Variants in UNC5D observed in about 807,000 individuals in gnomAD.
UNC5D encodes unc-5 netrin receptor D, also known as netrin receptor UNC5D.
A neutral mutation model predicts 105.4 loss-of-function variants in UNC5D; 39 were observed. The ratio of observed to expected loss-of-function variants is 0.37; its 90% confidence interval spans 0.29 to 0.48. The LOEUF is 0.48. Among genes scored for constraint, UNC5D ranks in the 20% least tolerant of loss-of-function variants. The probability of loss-of-function intolerance (pLI) is 0.98; values close to 1 mark genes in which losing one functional copy is unlikely to be tolerated. For missense variants in UNC5D, 991 were observed against 1,202.4 expected, an observed-to-expected ratio of 0.82 and a Z score of 2.60; for synonymous variants, 452 against 450.4, an observed-to-expected ratio of 1.00 and a Z score of -0.04.
At chr8:35,615,008 A>C (rs1239383240) in intron 4 of UNC5D, among the ~76,000 whole-genome samples, 2 of 145,846 alleles carry the variant, frequency 1.4e-5, no homozygotes, top group Admixed American at 7.1e-5. Flanking sequence ...CCAGGAGTTC[A>C]AGACCAGCCT....
At chr8:35,357,346 C>T (rs1208119005) in intron 1 of UNC5D, among the ~76,000 whole-genome samples, 2 of 152,170 alleles carry the variant, frequency 1.3e-5, no homozygotes, top group African/African-American at 4.8e-5. Context: ...GATGTCACAA[C>T]AGTGTGAATT....
At chr8:35,452,431 T>C (rs1045876902) in intron 1 of UNC5D, among the ~76,000 whole-genome samples, 8 of 151,812 alleles carry the variant, frequency 5.3e-5, no homozygotes, top group Non-Finnish European at 1.2e-4. Context: ...TGCCCAGCTA[T>C]TTTTTTGTAT....
chr8:35,390,519 A>T (rs1309727988), intron 1 of UNC5D, among the ~76,000 whole-genome samples: 2 of 152,222 alleles, frequency 1.3e-5, no homozygotes, highest in Non-Finnish European at 2.9e-5. Context: ...GAAAACTTCC[A>T]GAAGAGAAGC....
chr8:35,488,962 G>T (rs1373168184), intron 1 of UNC5D, among the ~76,000 whole-genome samples: 1 of 151,970 alleles, frequency 6.6e-6, no homozygotes, highest in Non-Finnish European at 1.5e-5. Context: ...GAGTTTGGGG[G>T]CGGGCCGTAT....
Position 35,641,711 on chromosome 8 carries a change from C to T in UNC5D, c.571-41836C>T, listed in dbSNP as rs534969820. On this transcript the variant is annotated intron_variant, in intron 4 of 16. Coordinates refer to ENST00000404895, the MANE Select transcript of UNC5D (RefSeq NM_080872.4). Reference sequence around the variant, plus strand: ...AAATTCTTGGGCTGTGTTCACAGGACCTGTGCAAAAATACGGCTTTTTCAA... The same window carrying T: ...AAATTCTTGGGCTGTGTTCACAGGATCTGTGCAAAAATACGGCTTTTTCAA... 4.1e-4 allele frequency among the ~76,000 whole-genome samples: 62 copies of T among 152,068 alleles called. 1 individual carries two copies. In the South Asian group the frequency reaches 0.013, roughly 31 times the overall value.
chr8:35,640,902 CTCT>C (rs978809633), intron 4 of UNC5D, among the ~76,000 whole-genome samples: 17 of 151,952 alleles, frequency 1.1e-4, no homozygotes, highest in Admixed American at 3.9e-4. Flanking sequence ...ACTCTCTGTC[CTCT>C]TCTTCCTCTT....
intron 11 of UNC5D, among the ~76,000 whole-genome samples, chr8:35,745,289 G>A (rs917640339): frequency 6.6e-6 from 1 of 152,084 alleles, no homozygotes; most frequent in African/African-American, 2.4e-5. Context: ...CACAAGGTGG[G>A]GTAAATCATG....
chr8:35,673,374 C>A (rs1824958726), intron 4 of UNC5D, among the ~76,000 whole-genome samples: 1 of 152,028 alleles, frequency 6.6e-6, no homozygotes, highest in Non-Finnish European at 1.5e-5. Flanking sequence ...TGGTTCAGTC[C>A]CTTTGGAGAC....
intron 1 of UNC5D, among the ~76,000 whole-genome samples, chr8:35,301,366 A>C (rs1049116545): frequency 6.6e-5 from 10 of 152,232 alleles, no homozygotes; most frequent in African/African-American, 2.4e-4. Context: ...TATTGGTACA[A>C]ATGTTAAGAG....
chr8:35,678,009 C>T (rs1825385104), intron 4 of UNC5D, among the ~76,000 whole-genome samples: 1 of 151,636 alleles, frequency 6.6e-6, no homozygotes, highest in Non-Finnish European at 1.5e-5. Context: ...GATACACACA[C>T]CTAGGACACC....
chr8:35,711,524 C>T (rs1396755910), intron 8 of UNC5D, among the ~76,000 whole-genome samples: 1 of 152,114 alleles, frequency 6.6e-6, no homozygotes, highest in African/African-American at 2.4e-5. Flanking sequence ...CCTTCCTACC[C>T]TCTCACCATT....
intron 1 of UNC5D, among the ~76,000 whole-genome samples, chr8:35,518,701 T>A (rs1320072323): frequency 6.6e-6 from 1 of 152,182 alleles, no homozygotes; most frequent in African/African-American, 2.4e-5. Context: ...TATTAAAAGC[T>A]TTAGGAAGAA....
chr8:35,639,493 G>A (rs950520442), intron 4 of UNC5D, among the ~76,000 whole-genome samples: 14 of 152,098 alleles, frequency 9.2e-5, no homozygotes, highest in Non-Finnish European at 1.5e-4. Context: ...TTAATCAAAC[G>A]TAATATATTT....
chr8:35,261,133 T>A (rs1439125671), intron 1 of UNC5D, among the ~76,000 whole-genome samples: 1 of 152,172 alleles, frequency 6.6e-6, no homozygotes, highest in Non-Finnish European at 1.5e-5. Context: ...ATTGTGAAAC[T>A]ATGTGAGTTT....
At chr8:35,704,520 G>A (rs1311590758) in intron 7 of UNC5D, among the ~76,000 whole-genome samples, 2 of 152,190 alleles carry the variant, frequency 1.3e-5, no homozygotes, top group Non-Finnish European at 2.9e-5. Flanking sequence ...CACCTCACAT[G>A]GCTCACCTTC....
intron 1 of UNC5D, among the ~76,000 whole-genome samples, chr8:35,459,883 T>C (rs924852889): frequency 6.6e-6 from 1 of 152,218 alleles, no homozygotes; most frequent in Non-Finnish European, 1.5e-5. Context: ...GAAAAACATT[T>C]GCATGAACAT....
chr8:35,613,596 G>A (rs1329797296), intron 4 of UNC5D, among the ~76,000 whole-genome samples: 1 of 152,114 alleles, frequency 6.6e-6, no homozygotes, highest in African/African-American at 2.4e-5. Flanking sequence ...GGTCACTCAC[G>A]CCTGTAATCC....
chr8:35,422,166 G>T (rs768056766), intron 1 of UNC5D, among the ~76,000 whole-genome samples: 1 of 152,138 alleles, frequency 6.6e-6, no homozygotes, highest in African/African-American at 2.4e-5. Flanking sequence ...AGTTGTCACC[G>T]GTTGCAATAT....
intron 1 of UNC5D, among the ~76,000 whole-genome samples, chr8:35,447,002 C>G (rs1387314088): frequency 6.6e-6 from 1 of 152,052 alleles, no homozygotes; most frequent in African/African-American, 2.4e-5. Flanking sequence ...ACAGCGACTC[C>G]CATCACCACC....
Sources: allele counts gnomAD v4.1 joint callset (sites outside exome capture counted in the v4.1 genomes callset), GRCh38; gene constraint gnomAD v4.1.1; transcripts MANE v1.5; gene names NCBI Gene and HGNC (gene_info 2026-07-23, HGNC 2026-07-21).